RBFOX1: variants seen among roughly 807,000 people sequenced by gnomAD.
RBFOX1 encodes the protein RNA binding fox-1 homolog 1.
In RBFOX1, 8 loss-of-function variants were observed where a neutral mutation model predicts 57.7. The observed-to-expected ratio is 0.14, with a 90% CI of 0.08 to 0.25. The LOEUF (loss-of-function observed/expected upper bound fraction) is 0.25, where lower values mean the gene tolerates loss of function less well. RBFOX1 is among the 10% of genes least tolerant of loss of function. The pLI, the probability that RBFOX1 is intolerant of heterozygous loss-of-function variation, is 1.00. For missense variants in RBFOX1, 611 were observed against 548.5 expected (o/e 1.11, Z -1.14); for synonymous variants, 326 against 222.4 (o/e 1.47, Z -4.15).
chr16:6,273,561 G>T (rs2075460720), intron 1 of RBFOX1, among the ~76,000 whole-genome samples: 1 of 151,820 alleles, frequency 6.6e-6, no homozygotes, highest in Admixed American at 6.6e-5. Flanking sequence ...GGTCAGGCTG[G>T]TCTGGAACTT....
chr16:7,644,079 A>G (rs1014156239), intron 11 of RBFOX1, among the ~76,000 whole-genome samples: 1 of 152,146 alleles, frequency 6.6e-6, no homozygotes, highest in Admixed American at 6.5e-5. Context: ...AGAAGCAGAG[A>G]GAGAGTAGAA....
intron 3 of RBFOX1, among the ~76,000 whole-genome samples, chr16:6,870,014 A>G (rs1171018996): frequency 1.3e-5 from 2 of 152,182 alleles, no homozygotes; most frequent in African/African-American, 4.8e-5. Flanking sequence ...ATGCTGTGAG[A>G]TCTATGCATA....
chr16:6,103,252 C>A (rs2096336607), intron 1 of RBFOX1, among the ~76,000 whole-genome samples: 1 of 152,084 alleles, frequency 6.6e-6, no homozygotes, highest in Non-Finnish European at 1.5e-5. Context: ...CTGACAGTTA[C>A]CAGTTTTGTG....
intron 4 of RBFOX1, among the ~76,000 whole-genome samples, chr16:7,316,275 T>C (rs1452383720): frequency 6.6e-6 from 1 of 152,228 alleles, no homozygotes; most frequent in African/African-American, 2.4e-5. Flanking sequence ...TAGCAGACTT[T>C]TGAGAGTTAC....
chr16:7,458,576 C>A (rs1436992746), intron 4 of RBFOX1, among the ~76,000 whole-genome samples: 1 of 151,782 alleles, frequency 6.6e-6, no homozygotes, highest in Non-Finnish European at 1.5e-5. Flanking sequence ...CCCTAGCATT[C>A]TTTCCCTTTC....
intron 4 of RBFOX1, among the ~76,000 whole-genome samples, chr16:7,057,140 G>A (rs889389624): frequency 6.6e-6 from 1 of 151,972 alleles, no homozygotes; most frequent in Non-Finnish European, 1.5e-5. Flanking sequence ...CCAGGCATGA[G>A]AATACAGAGA....
chr16:7,207,112 C>A (rs1292720225), intron 4 of RBFOX1, among the ~76,000 whole-genome samples: 1 of 152,178 alleles, frequency 6.6e-6, no homozygotes, highest in Non-Finnish European at 1.5e-5. Context: ...CTTCAAATCA[C>A]CCCATCCATC....
intron 3 of RBFOX1, among the ~76,000 whole-genome samples, chr16:6,980,567 A>G (rs2088489794): frequency 6.6e-6 from 1 of 152,214 alleles, no homozygotes; most frequent in Admixed American, 6.5e-5. Flanking sequence ...ATCAAAAGCG[A>G]GTATTGAAAA....
At chr16:6,338,494 T>C (rs1034878110) in intron 2 of RBFOX1, among the ~76,000 whole-genome samples, 2 of 152,200 alleles carry the variant, frequency 1.3e-5, no homozygotes, top group Non-Finnish European at 2.9e-5. Context: ...TTAATAGTAG[T>C]TTGAAAACTA....
chr16:6,646,037 G>T (rs2098531728), intron 2 of RBFOX1, among the ~76,000 whole-genome samples: 1 of 152,114 alleles, frequency 6.6e-6, no homozygotes, highest in South Asian at 2.1e-4. Context: ...TAGAAGGGCT[G>T]CCTTCTGTCG....
At chr16:6,946,658 G>A (rs768345407) in intron 3 of RBFOX1, among the ~76,000 whole-genome samples, 9 of 144,816 alleles carry the variant, frequency 6.2e-5, no homozygotes, top group African/African-American at 1.0e-4. Context: ...GCTGGAGTGC[G>A]GTAGTGAGAT....
intron 3 of RBFOX1, among the ~76,000 whole-genome samples, chr16:6,715,356 G>C (rs145128075): frequency 5.2e-4 from 79 of 152,134 alleles, no homozygotes; most frequent in African/African-American, 1.6e-3. Flanking sequence ...GGGACAGATG[G>C]GGTGAGTGAT....
chr16:5,687,995 G>T (rs1293645096), intron 3 of RBFOX1, among the ~76,000 whole-genome samples: 1 of 151,936 alleles, frequency 6.6e-6, no homozygotes, highest in Non-Finnish European at 1.5e-5. Flanking sequence ...TCTCTGCAAG[G>T]GCCCAAGTTT....
chr16:7,657,602 G>T (rs2066639747), intron 12 of RBFOX1, among the ~76,000 whole-genome samples: 1 of 152,376 alleles, frequency 6.6e-6, no homozygotes, highest in Admixed American at 6.5e-5. Flanking sequence ...ACTGCGCACA[G>T]ACATTCATCA....
chr16:7,590,572 A>G (rs2094389701), intron 7 of RBFOX1, among the ~76,000 whole-genome samples: 1 of 152,042 alleles, frequency 6.6e-6, no homozygotes, highest in African/African-American at 2.4e-5. Flanking sequence ...TATACTTAAG[A>G]TATCTGGCCG....
intron 4 of RBFOX1, among the ~76,000 whole-genome samples, chr16:7,137,766 C>T (rs1455950155): frequency 1.3e-5 from 2 of 152,152 alleles, no homozygotes; most frequent in South Asian, 4.1e-4. Context: ...ATGCAACAGT[C>T]CCTACCTGGT....
At chr16:6,211,539 C>T (rs1306544610) in intron 1 of RBFOX1, among the ~76,000 whole-genome samples, 1 of 152,120 alleles carries the variant, frequency 6.6e-6, no homozygotes, top group African/African-American at 2.4e-5. Flanking sequence ...ATCTAGTTAA[C>T]TCTTGGTCTT....
At chr16:5,772,763 A>G (rs1422341614) in intron 3 of RBFOX1, among the ~76,000 whole-genome samples, 2 of 152,182 alleles carry the variant, frequency 1.3e-5, no homozygotes, top group African/African-American at 2.4e-5. Flanking sequence ...TGGAGCTTAC[A>G]TTCTGATTGG....
At chr16:7,256,073 C>G (rs990105152) in intron 4 of RBFOX1, among the ~76,000 whole-genome samples, 2 of 152,306 alleles carry the variant, frequency 1.3e-5, no homozygotes, top group East Asian at 3.9e-4. Flanking sequence ...TTAAAATACA[C>G]TGTTAAAGTC....
Sources: gnomAD v4.1 joint callset for allele counts (sites outside exome capture counted in the v4.1 genomes callset) on GRCh38, gnomAD v4.1.1 for gene constraint, MANE v1.5 for transcripts, NCBI Gene and HGNC (gene_info 2026-07-23, HGNC 2026-07-21) for gene names.